SNX13: variants seen among roughly 807,000 people sequenced by gnomAD.
SNX13 encodes sorting nexin-13.
SNX13 carries 45 observed loss-of-function variants against 133.6 expected under a neutral mutation model. The ratio of observed to expected loss-of-function variants is 0.34; its 90% CI spans 0.27 to 0.43. The LOEUF is 0.43. SNX13 is among the 20% of genes least tolerant of loss of function. SNX13 has a pLI of 1.00. For synonymous variants in SNX13, 414 were observed against 373.9 expected, an observed-to-expected ratio of 1.11 and a Z score of -1.24; for missense variants, 1,032 against 1,145.1, an observed-to-expected ratio of 0.90 and a Z score of 1.43.
At chr7:17,795,209 C>G (rs1466072307) in intron 25 of SNX13, 1 of 151,358 alleles carries the variant, frequency 6.6e-6, no homozygotes, top group African/African-American at 2.4e-5. Flanking sequence ...TAAATAACAC[C>G]AAGTTATGAG....
At chr7:17,887,022 A>G (rs1562470667) in intron 5 of SNX13, among the ~76,000 whole-genome samples, 2 of 152,088 alleles carry the variant, frequency 1.3e-5, no homozygotes, top group African/African-American at 4.8e-5. Context: ...TGTGTACACA[A>G]CCTAGGAACA....
At chr7:17,907,068 T>A (rs1798486749) in intron 1 of SNX13, among the ~76,000 whole-genome samples, 1 of 152,102 alleles carries the variant, frequency 6.6e-6, no homozygotes, top group Non-Finnish European at 1.5e-5. Context: ...AATTTTGTAC[T>A]AAAATATGCA....
At chr7:17,806,682 A>G (rs1321277675) in intron 20 of SNX13, among the ~76,000 whole-genome samples, 1 of 151,830 alleles carries the variant, frequency 6.6e-6, no homozygotes, top group Non-Finnish European at 1.5e-5. Flanking sequence ...GCCAAATAGG[A>G]ACAGTTCCGG....
chr7:17,864,513 A>G (rs1375840447), intron 9 of SNX13, among the ~76,000 whole-genome samples: 2 of 152,182 alleles, frequency 1.3e-5, no homozygotes, highest in East Asian at 3.8e-4. Context: ...AAGATCTAGA[A>G]AACAGTGTCA....
chr7:17,813,581 G>T (rs895255344), intron 20 of SNX13, among the ~76,000 whole-genome samples: 1 of 150,044 alleles, frequency 6.7e-6, no homozygotes, highest in Non-Finnish European at 1.5e-5. Flanking sequence ...GTAATCATAT[G>T]AACTCCTTTT....
intron 4 of SNX13, among the ~76,000 whole-genome samples, chr7:17,891,013 C>G (rs927306917): frequency 6.6e-6 from 1 of 151,538 alleles, no homozygotes; most frequent in African/African-American, 2.4e-5. Flanking sequence ...TAATACAACT[C>G]AATGTATAAT....
chr7:17,853,703 G>A (rs993590815), intron 9 of SNX13, among the ~76,000 whole-genome samples: 5 of 152,306 alleles, frequency 3.3e-5, no homozygotes, highest in Admixed American at 6.5e-5. Context: ...CAACACTTTG[G>A]GAGGCTGAGG....
At chr7:17,857,677 G>A (rs563442272) in intron 9 of SNX13, among the ~76,000 whole-genome samples, 6 of 152,186 alleles carry the variant, frequency 3.9e-5, no homozygotes, top group African/African-American at 9.6e-5. Flanking sequence ...CCAGTTACTC[G>A]GGAGTCTGAG....
At chr7:17,878,364 T>C (rs575390205) in intron 5 of SNX13, among the ~76,000 whole-genome samples, 5 of 152,156 alleles carry the variant, frequency 3.3e-5, no homozygotes, top group Non-Finnish European at 5.9e-5. Flanking sequence ...AAAAAAGTGA[T>C]ACAATTAACC....
chr7:17,874,196 G>A (rs1324162725), intron 7 of SNX13, among the ~76,000 whole-genome samples: 2 of 151,886 alleles, frequency 1.3e-5, no homozygotes, highest in Admixed American at 1.3e-4. Flanking sequence ...ACTTATATGT[G>A]GATTTTTTTC....
At position 17,865,465 on chromosome 7, in the gene SNX13, T is replaced by C. The variant is rs562047438; in HGVS notation, c.837+2942A>G. 4.6e-5 allele frequency among the ~76,000 whole-genome samples: 7 copies of C among 152,092 alleles called. No homozygotes were observed. In the East Asian group the frequency reaches 1.3e-3, roughly 29 times the overall value. ...TACAAGGAAAACTGTAAAACACTGATAAAAGAAATTGAATAAGACACAAAA... is the reference window on the plus strand; with the variant it reads ...TACAAGGAAAACTGTAAAACACTGACAAAAGAAATTGAATAAGACACAAAA... On this transcript the variant is annotated intron_variant, in intron 9 of 25. Transcript: ENST00000428135.
At chr7:17,836,215 T>C (rs1478026901) in intron 13 of SNX13, among the ~76,000 whole-genome samples, 5 of 151,822 alleles carry the variant, frequency 3.3e-5, no homozygotes, top group Non-Finnish European at 7.4e-5. Flanking sequence ...AAAAAAGTAA[T>C]ACAAAAATAA....
rs578151909 is a variant in SNX13, at chr7:17,862,079, T to A, written c.837+6328A>T. 2.1e-3 allele frequency among the ~76,000 whole-genome samples: 319 copies of A among 152,302 alleles called. 1 individual carries two copies. The highest frequency in any genetic ancestry group is 3.6e-3 in the Non-Finnish European group (242 of 68,022). ...TATAGGCTAAGCCCACTCCAAAATGTTTTTACTATATACGTAATTACAGTT... is the reference window on the plus strand; with the variant it reads ...TATAGGCTAAGCCCACTCCAAAATGATTTTACTATATACGTAATTACAGTT... On this transcript the variant is annotated intron_variant, in intron 9 of 25. Transcript: ENST00000428135.
intron 8 of SNX13, among the ~76,000 whole-genome samples, chr7:17,872,079 T>C (rs551109010): frequency 6.6e-6 from 1 of 152,310 alleles, no homozygotes; most frequent in East Asian, 1.9e-4. Context: ...CAGCTCAGAG[T>C]TGCCCGGAGC....
intron 8 of SNX13, 35 bp from the exon 9 acceptor site, chr7:17,868,525 T>C: frequency 6.7e-7 from 1 of 1,484,798 alleles, no homozygotes; most frequent in Non-Finnish European, 9.3e-7. Context: ...ACAAATTTAA[T>C]CTATTTCTGA....
Position 17,871,234 on chromosome 7 carries a change from T to C in SNX13, c.753+2294A>G, listed in dbSNP as rs1026560890. 2.0e-5 allele frequency among the ~76,000 whole-genome samples: 3 copies of C among 152,166 alleles called. No homozygotes were observed. The East Asian group carries it at 5.8e-4, about 29-fold the overall frequency. ...GTTAGCCAGGATGGTCTCGATCTCCTGACCTCGTGATCCGCCCACCTTGGC... is the reference window on the plus strand; with the variant it reads ...GTTAGCCAGGATGGTCTCGATCTCCCGACCTCGTGATCCGCCCACCTTGGC... On this transcript the variant is annotated intron_variant, in intron 8 of 25. Transcript: ENST00000428135.
chr7:17,923,041 T>A (rs957919556), intron 1 of SNX13, among the ~76,000 whole-genome samples: 3 of 152,216 alleles, frequency 2.0e-5, no homozygotes, highest in Non-Finnish European at 4.4e-5. Flanking sequence ...ATACCACTTT[T>A]CTACAAAGAA....
chr7:17,879,969 G>A (rs1287337764), intron 5 of SNX13: 3 of 152,198 alleles, frequency 2.0e-5, no homozygotes, highest in East Asian at 1.9e-4. Flanking sequence ...CACAGGGATG[G>A]AGTGTATAAA....
At chr7:17,797,989 T>C (rs1180166061) in intron 24 of SNX13, among the ~76,000 whole-genome samples, 8 of 151,892 alleles carry the variant, frequency 5.3e-5, no homozygotes, top group Admixed American at 2.0e-4. Context: ...CATAAAGTAC[T>C]GTGCACAGTG....
Sources: allele counts gnomAD v4.1 joint callset (sites outside exome capture counted in the v4.1 genomes callset), GRCh38; gene constraint gnomAD v4.1.1; transcripts MANE v1.5; gene names NCBI Gene and HGNC (gene_info 2026-07-23, HGNC 2026-07-21).